MLLT3: variants seen among roughly 807,000 people sequenced by gnomAD.
The protein encoded by MLLT3 is MLLT3 super elongation complex subunit.
A neutral mutation model predicts 53.2 loss-of-function variants in MLLT3; 4 were observed. The ratio of observed to expected loss-of-function variants is 0.08; its 90% CI spans 0.04 to 0.17. The LOEUF is 0.17. Ranked by LOEUF, MLLT3 falls within the 10% of genes least tolerant of loss-of-function variation. MLLT3 has a pLI of 1.00. For synonymous variants in MLLT3, 283 were observed against 230.6 expected, an observed-to-expected ratio of 1.23 and a Z score of -2.06; for missense variants, 569 against 684.0, an observed-to-expected ratio of 0.83 and a Z score of 1.87.
At chr9:20,364,671 T>C (rs996320085) in intron 6 of MLLT3, among the ~76,000 whole-genome samples, 1 of 152,204 alleles carries the variant, frequency 6.6e-6, no homozygotes, top group South Asian at 2.1e-4. Context: ...ACGATTACTG[T>C]CTTTTATTTT....
At chr9:20,591,081 T>A (rs1820116735) in intron 2 of MLLT3, among the ~76,000 whole-genome samples, 1 of 152,148 alleles carries the variant, frequency 6.6e-6, no homozygotes, top group South Asian at 2.1e-4. Context: ...ACAAGGGACA[T>A]TTAGTCACAT....
At chr9:20,500,968 ATT>A (rs1825208109) in intron 2 of MLLT3, among the ~76,000 whole-genome samples, 1 of 152,200 alleles carries the variant, frequency 6.6e-6, no homozygotes, top group Non-Finnish European at 1.5e-5. Flanking sequence ...GTTTCAAATC[ATT>A]CTTTCATTAG....
intron 2 of MLLT3, among the ~76,000 whole-genome samples, chr9:20,496,856 TA>T (rs1825091017): frequency 6.6e-6 from 1 of 152,166 alleles, no homozygotes; most frequent in African/African-American, 2.4e-5. Context: ...AACATACCTA[TA>T]CAGATGATAG....
chr9:20,616,039 A>C lies in MLLT3; in HGVS notation c.193+4615T>G, dbSNP rs183741043. Among the ~76,000 whole-genome samples the C allele has an allele frequency of 4.5e-4, 69 of 152,254 alleles. 1 individual carries two copies. Among genetic ancestry groups the C allele is most frequent in the Admixed American group, 3.9e-3 (59 of 15,290 alleles). ...TAAAATGTCTCCATTTTAATTTCTA[A>C]TACACTAAAATTAATAGATATAACT... On this transcript the variant is annotated intron_variant, in intron 2 of 10. Transcript: ENST00000380338.
intron 2 of MLLT3, among the ~76,000 whole-genome samples, chr9:20,617,473 T>C (rs1273175647): frequency 6.6e-6 from 1 of 152,148 alleles, no homozygotes; most frequent in Non-Finnish European, 1.5e-5. Context: ...ATATCATAAA[T>C]GTCAGTGAAA....
At chr9:20,523,868 G>C (rs1185245379) in intron 2 of MLLT3, among the ~76,000 whole-genome samples, 1 of 151,970 alleles carries the variant, frequency 6.6e-6, no homozygotes, top group East Asian at 1.9e-4. Context: ...CTACTTAGAA[G>C]GCTGAAATGG....
chr9:20,360,677 T>C, intron 8 of MLLT3, 65 bp downstream of exon 8: 2 of 1,342,132 alleles, frequency 1.5e-6, no homozygotes, highest in Non-Finnish European at 2.1e-6. Context: ...AAGTTTTGCA[T>C]GCTTTGTAAA....
chr9:20,390,495 A>G (rs1822154426), intron 5 of MLLT3, among the ~76,000 whole-genome samples: 1 of 152,246 alleles, frequency 6.6e-6, no homozygotes, highest in African/African-American at 2.4e-5. Flanking sequence ...ATGTTATTGA[A>G]TGCCTACTAT....
intron 2 of MLLT3, among the ~76,000 whole-genome samples, chr9:20,580,258 C>G (rs1472488711): frequency 6.6e-6 from 1 of 151,922 alleles, no homozygotes; most frequent in Non-Finnish European, 1.5e-5. Flanking sequence ...AAGGTTAAAT[C>G]CCTTCTCTCC....
intron 2 of MLLT3, among the ~76,000 whole-genome samples, chr9:20,518,773 C>G (rs916111193): frequency 3.9e-5 from 6 of 152,114 alleles, no homozygotes; most frequent in East Asian, 3.9e-4. Context: ...GAGAAAACAT[C>G]AGACAAACCC....
At chr9:20,554,747 C>A (rs1345813504) in intron 2 of MLLT3, among the ~76,000 whole-genome samples, 1 of 152,202 alleles carries the variant, frequency 6.6e-6, no homozygotes, top group Non-Finnish European at 1.5e-5. Flanking sequence ...CCATAATATA[C>A]TTAGTACAAG....
intron 2 of MLLT3, among the ~76,000 whole-genome samples, chr9:20,509,423 T>A (rs10811357): frequency 0.27 from 40,956 of 152,050 alleles, 6,282 homozygotes; most frequent in African/African-American, 0.42. Context: ...ATAAAAATGG[T>A]TCTCACTCTT....
At chr9:20,556,720 A>G (rs527575984) in intron 2 of MLLT3, among the ~76,000 whole-genome samples, 2 of 152,262 alleles carry the variant, frequency 1.3e-5, no homozygotes, top group South Asian at 2.1e-4. Flanking sequence ...TGGGGGAGAA[A>G]TAAGATAACA....
chr9:20,487,575 A>C (rs981546343), intron 2 of MLLT3, among the ~76,000 whole-genome samples: 35 of 152,272 alleles, frequency 2.3e-4, no homozygotes, highest in African/African-American at 7.2e-4. Flanking sequence ...TTACAACAAG[A>C]AAGATGGCCA....
chr9:20,464,988 T>C (rs1022089922), intron 2 of MLLT3, among the ~76,000 whole-genome samples: 1 of 152,138 alleles, frequency 6.6e-6, no homozygotes, highest in African/African-American at 2.4e-5. Context: ...CTCTACATTA[T>C]AAAGATTTTA....
chr9:20,465,562 A>G (rs1189228855), intron 2 of MLLT3, among the ~76,000 whole-genome samples: 1 of 152,144 alleles, frequency 6.6e-6, no homozygotes, highest in East Asian at 1.9e-4. Context: ...CAAAATTAAA[A>G]CCCATTTCTG....
rs141365198 is a variant in MLLT3 at position 20,570,891 on chromosome 9, A to G, written c.193+49763T>C. Among the ~76,000 whole-genome samples, 80 of 152,302 alleles carry G rather than the reference A, an allele frequency of 5.3e-4. 1 individual carries two copies. Among genetic ancestry groups the G allele is most frequent in the African/African-American group, 1.9e-3 (77 of 41,566 alleles). ...AGGGTTAAGAACTAAATAGATTCTG[A>G]CCTTTAAGCATAACTTGAAAAAGCC... On this transcript the variant is annotated intron_variant, in intron 2 of 10. Coordinates refer to ENST00000380338, the MANE Select transcript of MLLT3 (RefSeq NM_004529.4).
At chr9:20,444,589 G>C (rs920306132) in intron 4 of MLLT3, among the ~76,000 whole-genome samples, 2 of 151,958 alleles carry the variant, frequency 1.3e-5, no homozygotes, top group Admixed American at 1.3e-4. Flanking sequence ...AGCCTTACAA[G>C]GGGCTGGACG....
At chr9:20,412,004 TTA>T (rs1320644286) in intron 5 of MLLT3, 1 of 152,210 alleles carries the variant, frequency 6.6e-6, no homozygotes, top group Non-Finnish European at 1.5e-5. Context: ...CCCATACTAA[TTA>T]TAGTTTTCTG....
Sources: gnomAD v4.1 joint callset for allele counts (sites outside exome capture counted in the v4.1 genomes callset) on GRCh38, gnomAD v4.1.1 for gene constraint, MANE v1.5 for transcripts, NCBI Gene and HGNC (gene_info 2026-07-23, HGNC 2026-07-21) for gene names.